The following NSL1 variants were observed in gnomAD, a reference collection of about 807,000 sequenced individuals.
NSL1 encodes the protein kinetochore-associated protein NSL1 homolog.
A neutral mutation model predicts 25.4 loss-of-function variants in NSL1; 11 were observed. The observed-to-expected ratio is 0.43, with a 90% confidence interval of 0.27 to 0.72. The LOEUF is 0.72. Ranked by LOEUF, NSL1 falls within the 30% of genes least tolerant of loss-of-function variation. NSL1 has a pLI of 0.19. For synonymous variants in NSL1, 118 were observed against 120.6 expected (o/e 0.98, Z 0.14); for missense variants, 330 against 342.7 (o/e 0.96, Z 0.29).
At chr1:212,778,433 C>G (rs1165610164) in intron 4 of NSL1, among the ~76,000 whole-genome samples, 1 of 152,230 alleles carries the variant, frequency 6.6e-6, no homozygotes, top group Non-Finnish European at 1.5e-5. Flanking sequence ...TCCCCACGGT[C>G]TCCCTCTGAT....
chr1:212,791,588 T>A lies in NSL1; in HGVS notation c.176A>T (p.Lys59Met). 6.2e-7 allele frequency: 1 copy of A among 1,613,826 alleles called. No individual in the cohort carries two copies. Among genetic ancestry groups the A allele is most frequent in the Non-Finnish European group, 8.5e-7 (1 of 1,180,010 alleles). ...CTCCTCCGGCAGAGCGTCCCCGAGCTTTTGCACGAAGCGGCCGCACAGTTG... is the reference window on the plus strand; with the variant it reads ...CTCCTCCGGCAGAGCGTCCCCGAGCATTTGCACGAAGCGGCCGCACAGTTG... ...MLQLCGRFVQKLGDALPEEIR... is the reference protein window; with the variant it reads ...MLQLCGRFVQMLGDALPEEIR... Residue 59 changes from lysine (K) to methionine (M), a missense_variant, in exon 1 of 6, where the codon AAG becomes ATG. Physicochemically the swap from Lys to Met is moderately conservative, Grantham distance 95. Transcript: ENST00000366977.
rs995614203 is a variant in NSL1 at position 212,760,590 on chromosome 1, G to C, written c.500-20989C>G. ...CCAGGACCCCCCTAAATGTGCTCTG[G>C]GGGGACTGGCCAGCCCAGTCCATTG... On this transcript the variant is annotated intron_variant, in intron 4 of 5. Coordinates refer to ENST00000366977, the MANE Select transcript of NSL1 (RefSeq NM_015471.4). The surrounding 1 kb of genome is among the most constrained non-coding windows in gnomAD (Gnocchi z 4.3). 6.6e-6 allele frequency among the ~76,000 whole-genome samples: 1 copy of C among 151,912 alleles called. No individual in the cohort carries two copies. The highest frequency in any genetic ancestry group is 1.5e-5 in the Non-Finnish European group (1 of 67,972).
chr1:212,749,060 T>C lies in NSL1; in HGVS notation c.500-9459A>G, dbSNP rs569663320. On this transcript the variant is annotated intron_variant, in intron 4 of 5. Coordinates refer to ENST00000366977, the MANE Select transcript of NSL1 (RefSeq NM_015471.4). ...ATAAGTTTATCCTATATTTTCCAAC[T>C]ATGCAGATATTCTATTTCTAGATCA... is the stretch of plus-strand genomic sequence containing the variant. Among the ~76,000 whole-genome samples, 7 of 152,302 alleles carry C rather than the reference T, an allele frequency of 4.6e-5. 1 individual carries two copies. The South Asian group carries it at 1.5e-3, about 32-fold the overall frequency.
At chr1:212,770,208 TAAAG>T (rs1388981943) in intron 4 of NSL1, among the ~76,000 whole-genome samples, 1 of 152,108 alleles carries the variant, frequency 6.6e-6, no homozygotes, top group African/African-American at 2.4e-5. Flanking sequence ...ATTATCAATC[TAAAG>T]AGAGAGACAC....
At chr1:212,788,079 T>C (rs751803726) in intron 1 of NSL1, among the ~76,000 whole-genome samples, 6 of 152,366 alleles carry the variant, frequency 3.9e-5, no homozygotes, top group East Asian at 1.9e-4. Context: ...TGAACACTTA[T>C]GTAGCGATGA....
intron 4 of NSL1, among the ~76,000 whole-genome samples, chr1:212,747,223 A>T (rs1658840051): frequency 6.6e-6 from 1 of 152,162 alleles, no homozygotes; most frequent in African/African-American, 2.4e-5. Context: ...GTACTAGGTC[A>T]GCCTGCATGA....
At position 212,729,377 on chromosome 1, in the gene NSL1, A is replaced by T; in HGVS notation, c.*9031T>A. 1 of 982,884 alleles carries T rather than the reference A, an allele frequency of 1.0e-6. No individual in the cohort carries two copies. The highest frequency in any genetic ancestry group is 1.2e-6 in the Non-Finnish European group (1 of 827,620). 60.9% of individuals were successfully genotyped at this position (982,884 alleles called of 1,614,324 possible). On this transcript the variant is annotated 3_prime_UTR_variant, in exon 6 of 6. Transcript: ENST00000366977. Reference sequence around the variant, plus strand: ...TGCCTTGGTTTACAGGTGTACATCCACACAGCTCTTAGCACAGTATTTAGA... The same window carrying T: ...TGCCTTGGTTTACAGGTGTACATCCTCACAGCTCTTAGCACAGTATTTAGA...
In NSL1 at chr1:212,760,671, C is replaced by G. The variant is rs770443813; in HGVS notation, c.500-21070G>C. Among the ~76,000 whole-genome samples the G allele has an allele frequency of 8.5e-5, 13 of 152,148 alleles. No homozygotes were observed. The highest frequency in any genetic ancestry group is 1.6e-4 in the Non-Finnish European group (11 of 68,008). On this transcript the variant is annotated intron_variant, in intron 4 of 5. Transcript: ENST00000366977. This position sits in a 1 kb window ranked among gnomAD's most constrained non-coding sequence, Gnocchi z 4.3. ...TGGGGGCCTGACGGTTGACCCGCCA[C>G]TGCTACTGCCATCACCAACACCACG...
At chr1:212,774,060 G>A (rs1660243330) in intron 4 of NSL1, among the ~76,000 whole-genome samples, 1 of 152,134 alleles carries the variant, frequency 6.6e-6, no homozygotes, top group African/African-American at 2.4e-5. Context: ...TGCGGAGCGG[G>A]GAAGGGAGTA....
intron 2 of NSL1, among the ~76,000 whole-genome samples, 156 bp downstream of exon 2, chr1:212,787,403 T>C (rs1328970507): frequency 6.6e-6 from 1 of 152,210 alleles, no homozygotes; most frequent in East Asian, 1.9e-4. Flanking sequence ...CAAAGAAGAC[T>C]ATTGAAGTCA....
chr1:212,775,988 C>T (rs1339430504), intron 4 of NSL1, among the ~76,000 whole-genome samples: 7 of 152,100 alleles, frequency 4.6e-5, no homozygotes, highest in East Asian at 3.9e-4. Flanking sequence ...CCACTGCGCC[C>T]GGCTAATTTT....
At chr1:212,765,178 T>C (rs2102458452) in intron 4 of NSL1, among the ~76,000 whole-genome samples, 1 of 152,204 alleles carries the variant, frequency 6.6e-6, no homozygotes, top group South Asian at 2.1e-4. Flanking sequence ...TTATTACCAA[T>C]CCTACTAAAA....
chr1:212,727,287 T>C lies in NSL1; in HGVS notation c.*11121A>G. Reference sequence around the variant, plus strand: ...GACTCAGAGCTGTTTCACAACCCTTTGTTCCAGGCAGGGCCCAGGATCCCC... The same window carrying C: ...GACTCAGAGCTGTTTCACAACCCTTCGTTCCAGGCAGGGCCCAGGATCCCC... On this transcript the variant is annotated 3_prime_UTR_variant, in exon 6 of 6. Coordinates refer to ENST00000366977, the MANE Select transcript of NSL1 (RefSeq NM_015471.4). 7.5e-7 allele frequency: 1 copy of C among 1,337,180 alleles called. No homozygotes were observed. The highest frequency in any genetic ancestry group is 9.6e-7 in the Non-Finnish European group (1 of 1,038,798). 82.8% of individuals were successfully genotyped at this position (1,337,180 alleles called of 1,614,324 possible).
At chr1:212,782,458 T>C (rs1226681229) in intron 3 of NSL1, 32 bp from the exon 4 acceptor site, 9 of 1,422,300 alleles carry the variant, frequency 6.3e-6, no homozygotes, top group Non-Finnish European at 9.0e-6. Flanking sequence ...ACAGATTTAA[T>C]CACTTAATGC....
At chr1:212,744,073 G>C (rs1323822755) in intron 4 of NSL1, among the ~76,000 whole-genome samples, 1 of 152,210 alleles carries the variant, frequency 6.6e-6, no homozygotes, top group African/African-American at 2.4e-5. Flanking sequence ...AGCAGATGCA[G>C]CGTGCAGCAC....
chr1:212,760,746 G>A lies in NSL1; in HGVS notation c.500-21145C>T, dbSNP rs1044530485. ...CCACCTGCCTGCCCATCCCATTGCTGTCACTGCTGGTACCTGAGCAAGCCA... is the reference window on the plus strand; with the variant it reads ...CCACCTGCCTGCCCATCCCATTGCTATCACTGCTGGTACCTGAGCAAGCCA... On this transcript the variant is annotated intron_variant, in intron 4 of 5. Transcript: ENST00000366977. The surrounding 1 kb of genome is among the most constrained non-coding windows in gnomAD (Gnocchi z 4.3). Among the ~76,000 whole-genome samples, 2 of 152,058 alleles carry A rather than the reference G, an allele frequency of 1.3e-5. No individual in the cohort carries two copies. Among genetic ancestry groups the A allele is most frequent in the Non-Finnish European group, 2.9e-5 (2 of 68,014 alleles).
rs1334206828 is a variant in NSL1 at position 212,745,198 on chromosome 1, A to ATG, written c.500-5598_500-5597insCA. Among the ~76,000 whole-genome samples, 42 of 80,520 alleles carry ATG rather than the reference A, an allele frequency of 5.2e-4. No individual in the cohort carries two copies. In the Middle Eastern group the frequency reaches 0.018, roughly 34 times the overall value. The allele number at this position is 80,520 out of a possible 152,430, so 52.8% of individuals were successfully genotyped here. A position where few individuals can be genotyped will look rare whatever the true frequency, so the allele number is the denominator to read the frequency against. ...TATATATATATATATATATATATAT[A>ATG]TATATGCATATGCATATGCATAACA... On this transcript the variant is annotated intron_variant, in intron 4 of 5. Coordinates refer to ENST00000366977, the MANE Select transcript of NSL1 (RefSeq NM_015471.4).
rs544083013 is a variant in NSL1 at position 212,727,251 on chromosome 1, A to G, written c.*11157T>C. On this transcript the variant is annotated 3_prime_UTR_variant, in exon 6 of 6. Transcript: ENST00000366977. ...CTGAAAACTATATATGGCTTTCAAG[A>G]CTTGCCTTGAGACTCAGAGCTGTTT... 16 of 1,388,562 alleles carry G rather than the reference A, an allele frequency of 1.2e-5. No individual in the cohort carries two copies. In the South Asian group the frequency reaches 2.4e-4, roughly 21 times the overall value. The allele number at this position is 1,388,562 out of a possible 1,614,324, so 86.0% of individuals were successfully genotyped here.
intron 4 of NSL1, among the ~76,000 whole-genome samples, chr1:212,779,217 G>A (rs532568200): frequency 1.4e-4 from 21 of 150,804 alleles, no homozygotes; most frequent in African/African-American, 4.9e-4. Context: ...CAGCCGCCCC[G>A]TCTGGGAGGG....
Sources: gnomAD v4.1 joint callset for allele counts (sites outside exome capture counted in the v4.1 genomes callset) on GRCh38, gnomAD v4.1.1 for gene constraint, Gnocchi (gnomAD v3.1) non-coding constraint, MANE v1.5 for transcripts, NCBI Gene and HGNC (gene_info 2026-07-23, HGNC 2026-07-21) for gene names.